The following ZNF35 variants were observed in gnomAD, a reference collection of about 807,000 sequenced individuals.
ZNF35 encodes zinc finger protein 35 (clone HF.10).
Under a neutral mutation model 45.9 loss-of-function variants are expected in ZNF35, and 31 were observed. The ratio of observed to expected loss-of-function variants is 0.68; its 90% confidence interval spans 0.51 to 0.91. The LOEUF is 0.91. Ranked by LOEUF, ZNF35 falls within the 40% of genes least tolerant of loss-of-function variation. ZNF35 has a pLI of 0.00. For missense variants in ZNF35, 515 were observed against 625.4 expected (o/e 0.82, Z 1.88); for synonymous variants, 205 against 220.2 (o/e 0.93, Z 0.61).
rs754751182 is a variant in ZNF35 at position 44,659,303 on chromosome 3, G to A, written c.940G>A (p.Ala314Thr). ...TTTTAAGTGCAATGAATGTGAGAAAGCCTTTAGTTACAGCTCACAACTTGC... is the reference window on the plus strand; with the variant it reads ...TTTTAAGTGCAATGAATGTGAGAAAACCTTTAGTTACAGCTCACAACTTGC... ...KTFKCNECEK[A>T]FSYSSQLARH... Residue 314 changes from alanine (A) to threonine (T), a missense_variant, in exon 4 of 4, where the codon GCC becomes ACC. By Grantham distance (58) the Ala-to-Thr change is moderately conservative. Around this residue, in one of 3 missense-constraint regions of ZNF35, gnomAD observed 232 missense variants for 304.6 expected, o/e 0.76. Coordinates refer to ENST00000396056, the MANE Select transcript of ZNF35 (RefSeq NM_003420.4). The surrounding 1 kb of genome is among the most constrained non-coding windows in gnomAD (Gnocchi z 4.3). The A allele has an allele frequency of 1.2e-6, 2 of 1,613,992 alleles. No homozygotes were observed. The highest frequency in any genetic ancestry group is 2.7e-5 in the African/African-American group (2 of 74,910).
intron 1 of ZNF35, among the ~76,000 whole-genome samples, chr3:44,649,093 AC>A (rs1326353231): frequency 2.6e-5 from 4 of 152,246 alleles, no homozygotes; most frequent in African/African-American, 9.6e-5. Flanking sequence ...AGGAGCCTAT[AC>A]GTGGAAAGAA....
intron 2 of ZNF35, among the ~76,000 whole-genome samples, chr3:44,652,084 G>A (rs1575514089): frequency 1.3e-5 from 2 of 152,160 alleles, no homozygotes; most frequent in Admixed American, 1.3e-4. Context: ...TGCAGATACT[G>A]CTGCTGATCT....
At chr3:44,649,019 G>C (rs1335516917) in intron 1 of ZNF35, among the ~76,000 whole-genome samples, 185 bp downstream of exon 1, 8 of 152,222 alleles carry the variant, frequency 5.3e-5, no homozygotes, top group Admixed American at 4.6e-4. Context: ...CCTGGGGCCT[G>C]GTCCGGGAGA....
At chr3:44,655,419 A>AG (rs1703282621) in intron 3 of ZNF35, among the ~76,000 whole-genome samples, 1 of 152,010 alleles carries the variant, frequency 6.6e-6, no homozygotes, top group African/African-American at 2.4e-5. Context: ...TATCTTTAAA[A>AG]AAAAAAAAAG....
intron 1 of ZNF35, 56 bp downstream of exon 1, chr3:44,648,890 C>T (rs1024718595): frequency 2.0e-5 from 3 of 152,284 alleles, no homozygotes; most frequent in Admixed American, 2.0e-4. Context: ...AGGGGCTCTC[C>T]CAGGGGCCAT....
At chr3:44,649,104 A>T (rs906302959) in intron 1 of ZNF35, among the ~76,000 whole-genome samples, 1 of 152,254 alleles carries the variant, frequency 6.6e-6, no homozygotes, top group African/African-American at 2.4e-5. Context: ...CGTGGAAAGA[A>T]TGGATTGCCA....
Position 44,659,930 on chromosome 3 carries a change from A to G in ZNF35, c.1567A>G (p.Thr523Ala), listed in dbSNP as rs146195253. 6.4e-5 allele frequency: 99 copies of G among 1,552,400 alleles called. No homozygotes were observed. The highest frequency in any genetic ancestry group is 8.5e-5 in the Non-Finnish European group (98 of 1,149,558). ...SNSHLMRHHR[T>A]HLVE is the part of the protein sequence containing the mutation. ...CTCACACCTCATGCGACACCATAGAACCCATCTTGTTGAATAACAAGTAAG... is the reference window on the plus strand; with the variant it reads ...CTCACACCTCATGCGACACCATAGAGCCCATCTTGTTGAATAACAAGTAAG... Residue 523 changes from threonine (T) to alanine (A), a missense_variant, in exon 4 of 4, where the codon ACC (threonine) becomes GCC (alanine). Transcript: ENST00000396056. The surrounding 1 kb of genome is among the most constrained non-coding windows in gnomAD (Gnocchi z 4.3).
rs565133033 is a variant in ZNF35 at position 44,651,266 on chromosome 3, G to C, written c.192+7G>C. 74 of 1,610,240 alleles carry C rather than the reference G, an allele frequency of 4.6e-5. No individual in the cohort carries two copies. In the South Asian group the frequency reaches 7.3e-4, roughly 16 times the overall value. On this transcript the variant is annotated splice_region_variant and intron_variant, in intron 2 of 3. Coordinates refer to ENST00000396056, the MANE Select transcript of ZNF35 (RefSeq NM_003420.4). The stretch of plus-strand genomic sequence containing the variant: ...ATCAGAAGAGGAAGAAAAGGTAAAC[G>C]GGGGCCTGAGAGGAAGAGGGGAGGA...
chr3:44,650,484 A>C (rs1703180414), intron 1 of ZNF35, among the ~76,000 whole-genome samples: 1 of 152,210 alleles, frequency 6.6e-6, no homozygotes, highest in Non-Finnish European at 1.5e-5. Flanking sequence ...TTTTTAAAAA[A>C]TGCTATGATG....
chr3:44,659,115 A>G lies in ZNF35; in HGVS notation c.752A>G (p.Glu251Gly). The G allele has an allele frequency of 6.2e-7, 1 of 1,613,970 alleles. No homozygotes were observed. The highest frequency in any genetic ancestry group is 8.5e-7 in the Non-Finnish European group (1 of 1,179,960). The change falls in exon 4 of 4, where the codon GAA becomes GGA. Residue 251 changes from glutamate to glycine, a missense_variant. By Grantham distance (98) the Glu-to-Gly change is moderately conservative. This residue lies in a region of ZNF35 where 275 missense variants were observed against 295.7 expected (regional missense o/e 0.93). Coordinates refer to ENST00000396056, the MANE Select transcript of ZNF35 (RefSeq NM_003420.4). This position sits in a 1 kb window ranked among gnomAD's most constrained non-coding sequence, Gnocchi z 4.3. ...QRIHTGEKPF[E>G]CHECGKAFIQ... Reference sequence around the variant, plus strand: ...ATCCACACTGGAGAGAAACCCTTTGAATGTCATGAGTGTGGGAAGGCCTTC... The same window carrying G: ...ATCCACACTGGAGAGAAACCCTTTGGATGTCATGAGTGTGGGAAGGCCTTC...
chr3:44,657,603 C>A (rs1327272495), intron 3 of ZNF35, among the ~76,000 whole-genome samples: 1 of 152,200 alleles, frequency 6.6e-6, no homozygotes, highest in Non-Finnish European at 1.5e-5. Context: ...AGAGACTAAT[C>A]AGTGTCATAA....
At chr3:44,658,121 A>T (rs141524380) in intron 3 of ZNF35, among the ~76,000 whole-genome samples, 1 of 152,270 alleles carries the variant, frequency 6.6e-6, no homozygotes, top group Non-Finnish European at 1.5e-5. Context: ...AGGACCTCGC[A>T]GTGTTTCATA....
chr3:44,647,685 A>G (rs1015656270), upstream of ZNF35: 4 of 152,346 alleles, frequency 2.6e-5, no homozygotes, highest in South Asian at 8.3e-4. Flanking sequence ...ATGCTGAGTG[A>G]AAATAATCAC....
rs1230177296 is a variant in ZNF35, at chr3:44,651,131, G to T, written c.64G>T (p.Glu22Ter). 18 of 1,610,924 alleles carry T rather than the reference G, an allele frequency of 1.1e-5. No individual in the cohort carries two copies. Among genetic ancestry groups the T allele is most frequent in the Non-Finnish European group, 1.5e-5 (18 of 1,180,000 alleles). The change falls in exon 2 of 4, where the codon GAG becomes TAG. Residue 22 changes from glutamate to a stop codon, truncating the protein, a stop_gained. Coordinates refer to ENST00000396056, the MANE Select transcript of ZNF35 (RefSeq NM_003420.4). LOFTEE classifies it high-confidence loss of function. ...APWGPVKVKK[E>*]EEEEENFPGQ... Reference sequence around the variant, plus strand: ...ATGGGGCCCAGTGAAGGTGAAAAAGGAGGAGGAAGAAGAAGAAAACTTCCC... The same window carrying T: ...ATGGGGCCCAGTGAAGGTGAAAAAGTAGGAGGAAGAAGAAGAAAACTTCCC...
At position 44,658,794 on chromosome 3, in the gene ZNF35, A is replaced by C. The variant is rs370522018; in HGVS notation, c.431A>C (p.Lys144Thr). The change falls in exon 4 of 4, where the codon AAA (lysine) becomes ACA (threonine). Residue 144 changes from lysine (K) to threonine (T), a missense_variant. Transcript: ENST00000396056. Reference sequence around the variant, plus strand: ...CTCATCATATCAGAAAGAATCCAGAAAGCTGATCCTCAAGGACCTGAGTTA... The same window carrying C: ...CTCATCATATCAGAAAGAATCCAGACAGCTGATCCTCAAGGACCTGAGTTA... Reference protein sequence around the residue: ...KPLIISERIQKADPQGPELGE... With the variant: ...KPLIISERIQTADPQGPELGE... The C allele has an allele frequency of 1.9e-6, 3 of 1,611,792 alleles. No individual in the cohort carries two copies. The African/African-American group carries it at 4.0e-5, about 22-fold the overall frequency.
At chr3:44,651,891 T>A (rs1321906054) in intron 2 of ZNF35, among the ~76,000 whole-genome samples, 1 of 151,792 alleles carries the variant, frequency 6.6e-6, no homozygotes, top group Admixed American at 6.6e-5. Flanking sequence ...TTTTTAAAAC[T>A]CTTCAGGTAA....
chr3:44,659,386 A>G lies in ZNF35; in HGVS notation c.1023A>G (p.Lys341=). 6.2e-7 allele frequency: 1 copy of G among 1,613,504 alleles called. No individual in the cohort carries two copies. ...GCTATGAATGTAATGAATGTGGGAA[A>G]ACATTTACTAGGAGCTCAAACCTCA... is the stretch of plus-strand genomic sequence containing the variant. ...EKCYECNECG[K]TFTRSSNLIV... The change falls in exon 4 of 4, where the codon AAA becomes AAG. Residue 341 remains lysine, a synonymous_variant. Transcript: ENST00000396056. This position sits in a 1 kb window ranked among gnomAD's most constrained non-coding sequence, Gnocchi z 4.3.
At chr3:44,649,178 G>A (rs957652667) in intron 1 of ZNF35, among the ~76,000 whole-genome samples, 9 of 152,246 alleles carry the variant, frequency 5.9e-5, no homozygotes, top group Admixed American at 2.6e-4. Flanking sequence ...TGCCGTCTGG[G>A]ACCGGAGGTC....
intron 3 of ZNF35, among the ~76,000 whole-genome samples, chr3:44,654,697 C>A (rs1341698757): frequency 6.6e-6 from 1 of 152,090 alleles, no homozygotes; most frequent in Non-Finnish European, 1.5e-5. Context: ...AAAGTTTATT[C>A]ATTTAAAAAC....
Sources: allele counts gnomAD v4.1 joint callset (sites outside exome capture counted in the v4.1 genomes callset), GRCh38; gene constraint gnomAD v4.1.1; regional missense constraint gnomAD v4.1.1; non-coding constraint Gnocchi (gnomAD v3.1); transcripts MANE v1.5; gene names NCBI Gene and HGNC (gene_info 2026-07-23, HGNC 2026-07-21).